The following EPHA6 variants were observed in gnomAD, a reference collection of about 807,000 sequenced individuals.
EPHA6 encodes ephrin type-A receptor 6.
Under a neutral mutation model 112.0 loss-of-function variants are expected in EPHA6, and 50 were observed. The ratio of observed to expected loss-of-function variants is 0.45; its 90% CI spans 0.36 to 0.56. The LOEUF is 0.56. Among genes scored for constraint, EPHA6 ranks in the 20% least tolerant of loss-of-function variants. The pLI, the probability that EPHA6 is intolerant of heterozygous loss-of-function variation, is 0.00. For synonymous variants in EPHA6, 529 were observed against 490.7 expected (o/e 1.08, Z -1.03); for missense variants, 1,280 against 1,417.4 (o/e 0.90, Z 1.56).
chr3:96,825,183 T>C (rs1290845562), intron 1 of EPHA6, among the ~76,000 whole-genome samples: 1 of 151,934 alleles, frequency 6.6e-6, no homozygotes, highest in African/African-American at 2.4e-5. Flanking sequence ...TTAAAACTTA[T>C]GCATTTAAGG....
Position 96,814,771 on chromosome 3 carries a change from C to A in EPHA6, c.148C>A (p.Pro50Thr), listed in dbSNP as rs766646757. 6 of 1,602,844 alleles carry A rather than the reference C, an allele frequency of 3.7e-6. No individual in the cohort carries two copies. In the South Asian group the frequency reaches 6.7e-5, roughly 18 times the overall value. The change falls in exon 1 of 18, where the codon CCT becomes ACT. Residue 50 changes from proline (P) to threonine (T), a missense_variant. Coordinates refer to ENST00000389672, the MANE Select transcript of EPHA6 (RefSeq NM_001080448.3). ...TSRRGRPGTP[P>T]AGRVEEEEEE... Reference sequence around the variant, plus strand: ...GCGCAGGGGGCGCCCCGGGACACCCCCTGCGGGCCGGGTGGAGGAGGAAGA... The same window carrying A: ...GCGCAGGGGGCGCCCCGGGACACCCACTGCGGGCCGGGTGGAGGAGGAAGA...
At chr3:97,548,280 A>T (rs2092984102) in intron 11 of EPHA6, among the ~76,000 whole-genome samples, 3 of 152,170 alleles carry the variant, frequency 2.0e-5, no homozygotes, top group Admixed American at 2.0e-4. Flanking sequence ...CACAGAAATT[A>T]TACACCGTTC....
chr3:97,059,189 G>A (rs1488992906), intron 3 of EPHA6, among the ~76,000 whole-genome samples: 3 of 152,166 alleles, frequency 2.0e-5, no homozygotes, highest in Non-Finnish European at 4.4e-5. Context: ...ATGCCTCTTA[G>A]TATCTGATTT....
At chr3:97,315,504 A>C (rs1309105049) in intron 5 of EPHA6, among the ~76,000 whole-genome samples, 1 of 151,704 alleles carries the variant, frequency 6.6e-6, no homozygotes, top group African/African-American at 2.4e-5. Context: ...AAACTTGTCT[A>C]TGAAGAGAAA....
At chr3:97,556,489 T>A (rs1346301161) in intron 11 of EPHA6, among the ~76,000 whole-genome samples, 1 of 151,954 alleles carries the variant, frequency 6.6e-6, no homozygotes, top group Non-Finnish European at 1.5e-5. Context: ...CAAGGAGAAG[T>A]GCAGAGTGAA....
At chr3:96,850,716 T>G (rs1471609305) in intron 1 of EPHA6, among the ~76,000 whole-genome samples, 1 of 151,882 alleles carries the variant, frequency 6.6e-6, no homozygotes, top group African/African-American at 2.4e-5. Flanking sequence ...AACAGAGTTG[T>G]ATGAATTTAG....
intron 5 of EPHA6, among the ~76,000 whole-genome samples, chr3:97,253,209 A>G (rs992748265): frequency 1.3e-5 from 2 of 152,260 alleles, no homozygotes; most frequent in Non-Finnish European, 2.9e-5. Context: ...ATATGAAGTA[A>G]TAAATGATTA....
chr3:96,853,612 A>G lies in EPHA6; in HGVS notation c.386-13213A>G, dbSNP rs141580975. ...TCAGATTAGTTATATGTAGGTATAT[A>G]TACATATATATAAAGAAAACTAATA... On this transcript the variant is annotated intron_variant, in intron 1 of 17. Coordinates refer to ENST00000389672, the MANE Select transcript of EPHA6 (RefSeq NM_001080448.3). Among the ~76,000 whole-genome samples, 197 of 152,158 alleles carry G rather than the reference A, an allele frequency of 1.3e-3. 1 individual carries two copies. Among genetic ancestry groups the G allele is most frequent in the African/African-American group, 4.5e-3 (187 of 41,544 alleles).
intron 1 of EPHA6, among the ~76,000 whole-genome samples, chr3:96,863,297 G>A (rs911136354): frequency 2.0e-5 from 3 of 151,784 alleles, no homozygotes; most frequent in Non-Finnish European, 4.4e-5. Context: ...GTCTGGTAGG[G>A]ACTAGGTAAC....
intron 3 of EPHA6, among the ~76,000 whole-genome samples, chr3:97,008,180 A>G (rs2043955672): frequency 6.6e-6 from 1 of 152,144 alleles, no homozygotes; most frequent in Admixed American, 6.6e-5. Flanking sequence ...GTCCTCCTGG[A>G]TAATATCCTG....
At chr3:97,431,555 C>T (rs1265217192) in intron 6 of EPHA6, among the ~76,000 whole-genome samples, 2 of 152,040 alleles carry the variant, frequency 1.3e-5, no homozygotes, top group African/African-American at 2.4e-5. Flanking sequence ...TCCCTTGATT[C>T]GTGTGATTTT....
chr3:97,660,845 A>T (rs2094165292), intron 14 of EPHA6, among the ~76,000 whole-genome samples: 1 of 152,194 alleles, frequency 6.6e-6, no homozygotes, highest in Admixed American at 6.6e-5. Flanking sequence ...ATACAAAAAA[A>T]ATGACATCCT....
intron 3 of EPHA6, among the ~76,000 whole-genome samples, chr3:97,146,953 CTTAT>C (rs1313286433): frequency 3.1e-4 from 47 of 152,050 alleles, no homozygotes; most frequent in Non-Finnish European, 3.8e-4. Flanking sequence ...AAATGCAAAT[CTTAT>C]TTGTCATGCT....
intron 10 of EPHA6, among the ~76,000 whole-genome samples, chr3:97,489,611 G>A (rs888633305): frequency 9.3e-5 from 14 of 151,334 alleles, no homozygotes; most frequent in African/African-American, 3.4e-4. Context: ...GCATGAACCC[G>A]GGAGGCAGAG....
At chr3:97,155,329 T>C (rs1471819660) in intron 3 of EPHA6, among the ~76,000 whole-genome samples, 1 of 152,098 alleles carries the variant, frequency 6.6e-6, no homozygotes, top group East Asian at 1.9e-4. Context: ...CTTCCAGAAG[T>C]CATTCAGTTT....
At position 97,679,525 on chromosome 3, in the gene EPHA6, C is replaced by CTA. The variant is rs527543507; in HGVS notation, c.2785-40733_2785-40732dup. ...AAATATCTCATGCCTGATTAATGTA[C>CTA]TATAATATGGCACATGCTTAATGAA... On this transcript the variant is annotated intron_variant, in intron 14 of 17. Coordinates refer to ENST00000389672, the MANE Select transcript of EPHA6 (RefSeq NM_001080448.3). 3.2e-3 allele frequency among the ~76,000 whole-genome samples: 485 copies of CTA among 152,198 alleles called. 4 individuals are homozygous for CTA. The highest frequency in any genetic ancestry group is 0.011 in the African/African-American group (455 of 41,530).
At chr3:97,351,280 C>T (rs186218509) in intron 5 of EPHA6, among the ~76,000 whole-genome samples, 38 of 152,308 alleles carry the variant, frequency 2.5e-4, no homozygotes, top group African/African-American at 8.7e-4. Flanking sequence ...CATGGCCAAC[C>T]TTCAACTCAG....
intron 1 of EPHA6, among the ~76,000 whole-genome samples, chr3:96,835,546 CTG>C (rs1482007336): frequency 1.3e-5 from 2 of 151,870 alleles, no homozygotes; most frequent in African/African-American, 2.4e-5. Context: ...TAGATAAAGA[CTG>C]TGAGGGGTAA....
In EPHA6 at chr3:97,644,168, C is replaced by A. The variant is rs961510368; in HGVS notation, c.2784+6086C>A. Among the ~76,000 whole-genome samples the A allele has an allele frequency of 2.0e-5, 3 of 152,052 alleles. No homozygotes were observed. The South Asian group carries it at 6.2e-4, about 32-fold the overall frequency. On this transcript the variant is annotated intron_variant, in intron 14 of 17. Transcript: ENST00000389672. ...ACCGCTCAACTACATGGAAACTGAA[C>A]AACCTGCTCCTGAATGACTACTGGA...
Sources: allele counts gnomAD v4.1 joint callset (sites outside exome capture counted in the v4.1 genomes callset), GRCh38; gene constraint gnomAD v4.1.1; transcripts MANE v1.5; gene names NCBI Gene and HGNC (gene_info 2026-07-23, HGNC 2026-07-21).